The following TENM2 variants were observed in gnomAD, a reference collection of about 807,000 sequenced individuals.
TENM2 encodes teneurin transmembrane protein 2, also known as teneurin-2.
In TENM2, 52 loss-of-function variants were observed where a neutral mutation model predicts 245.2. The ratio of observed to expected loss-of-function variants is 0.21; its 90% CI spans 0.17 to 0.27. The LOEUF is 0.27. Ranked by LOEUF, TENM2 falls within the 10% of genes least tolerant of loss-of-function variation. The pLI is 1.00. For synonymous variants in TENM2, 1,363 were observed against 1,438.9 expected, an observed-to-expected ratio of 0.95 and a Z score of 1.19; for missense variants, 3,046 against 3,666.8, an observed-to-expected ratio of 0.83 and a Z score of 4.37.
intron 25 of TENM2, among the ~76,000 whole-genome samples, chr5:168,236,167 G>A (rs147315962): frequency 2.0e-5 from 3 of 152,200 alleles, no homozygotes; most frequent in East Asian, 3.9e-4. Context: ...TTATCCACCC[G>A]GTACATGCAA....
intron 7 of TENM2, among the ~76,000 whole-genome samples, chr5:168,069,956 A>T (rs1490650777): frequency 2.6e-5 from 4 of 152,160 alleles, no homozygotes; most frequent in African/African-American, 9.7e-5. Flanking sequence ...AGGTGATAAG[A>T]TCGGCACATC....
chr5:167,213,912 G>A, the TENM2 span, among the ~76,000 whole-genome samples: 7 of 152,214 alleles, frequency 4.6e-5, no homozygotes, highest in African/African-American at 1.4e-4. Flanking sequence ...CCACTGCAAA[G>A]CTGATGGCCA....
chr5:167,473,004 T>A (rs1582143668), intron 2 of TENM2, among the ~76,000 whole-genome samples: 2 of 152,086 alleles, frequency 1.3e-5, no homozygotes, highest in South Asian at 4.1e-4. Context: ...ATTGAAAAAC[T>A]AAAAACAAAT....
intron 2 of TENM2, among the ~76,000 whole-genome samples, chr5:167,872,215 G>T (rs1470992504): frequency 1.3e-5 from 2 of 151,476 alleles, no homozygotes; most frequent in Non-Finnish European, 2.9e-5. Context: ...GGAGGTTGCA[G>T]TGAGCCGAGA....
the TENM2 span, among the ~76,000 whole-genome samples, chr5:167,263,949 C>CA: frequency 6.6e-6 from 1 of 151,694 alleles, no homozygotes; most frequent in African/African-American, 2.4e-5. Flanking sequence ...ACTAAAAATA[C>CA]AAAAAATTAG....
chr5:167,634,837 TGAG>T (rs1779094528), intron 2 of TENM2, among the ~76,000 whole-genome samples: 1 of 152,098 alleles, frequency 6.6e-6, no homozygotes, highest in East Asian at 1.9e-4. Context: ...ATCATAGAGA[TGAG>T]TGGAATTGGA....
At chr5:168,023,609 A>G (rs1466870170) in intron 5 of TENM2, among the ~76,000 whole-genome samples, 1 of 152,098 alleles carries the variant, frequency 6.6e-6, no homozygotes, top group Non-Finnish European at 1.5e-5. Context: ...TAAAATCACA[A>G]CACTCCAGTT....
the TENM2 span, among the ~76,000 whole-genome samples, chr5:167,100,614 T>C: frequency 1.3e-5 from 2 of 152,270 alleles, no homozygotes; most frequent in South Asian, 4.1e-4. Context: ...TTTTCCATCT[T>C]TCTTGCCACC....
At chr5:167,090,620 G>A in the TENM2 span, among the ~76,000 whole-genome samples, 40 of 152,258 alleles carry the variant, frequency 2.6e-4, 1 homozygote, top group South Asian at 7.7e-3. Flanking sequence ...ATGCCTTGCT[G>A]TGATTTTTTT....
Position 167,792,646 on chromosome 5 carries a change from A to C in TENM2, c.503-83340A>C, listed in dbSNP as rs891774530. 4.6e-5 allele frequency among the ~76,000 whole-genome samples: 7 copies of C among 151,848 alleles called. No individual in the cohort carries two copies. The East Asian group carries it at 1.2e-3, about 25-fold the overall frequency. The stretch of plus-strand genomic sequence containing the variant: ...ACTTCCTCCAGAGCTAGTGTTTCAC[A>C]CAGTAGAACATAATGGCTCCCTGGG... On this transcript the variant is annotated intron_variant, in intron 2 of 28. Coordinates refer to ENST00000518659, the Ensembl canonical transcript of TENM2.
chr5:167,138,946 T>G, the TENM2 span, among the ~76,000 whole-genome samples: 6,725 of 152,268 alleles, frequency 0.044, 502 homozygotes, highest in African/African-American at 0.15. Flanking sequence ...TTATATGGTT[T>G]CTGGGAAAGA....
At chr5:167,672,374 A>T (rs1250741410) in intron 2 of TENM2, among the ~76,000 whole-genome samples, 1 of 152,116 alleles carries the variant, frequency 6.6e-6, no homozygotes, top group Admixed American at 6.6e-5. Context: ...CTGATTTAAT[A>T]TATAACATTA....
intron 2 of TENM2, among the ~76,000 whole-genome samples, chr5:167,613,758 G>T (rs1442527216): frequency 6.6e-6 from 1 of 152,110 alleles, no homozygotes; most frequent in Non-Finnish European, 1.5e-5. Context: ...CAGGCTTTAT[G>T]TGTGTGTATG....
chr5:167,194,301 T>C, the TENM2 span, among the ~76,000 whole-genome samples: 9 of 152,108 alleles, frequency 5.9e-5, no homozygotes, highest in African/African-American at 1.7e-4. Flanking sequence ...TCAAAAATAA[T>C]GGAAGACGAC....
At chr5:167,585,243 A>G (rs940875692) in intron 2 of TENM2, among the ~76,000 whole-genome samples, 5 of 152,012 alleles carry the variant, frequency 3.3e-5, no homozygotes, top group African/African-American at 1.2e-4. Context: ...GAAGATGTAC[A>G]CTCTTTAGAT....
At chr5:168,063,258 G>A (rs1371827247) in intron 7 of TENM2, among the ~76,000 whole-genome samples, 2 of 152,150 alleles carry the variant, frequency 1.3e-5, no homozygotes, top group African/African-American at 2.4e-5. Context: ...GAAGTCCTTG[G>A]CACTATGAAA....
chr5:167,764,489 G>A (rs934312099), intron 2 of TENM2, among the ~76,000 whole-genome samples: 1 of 152,160 alleles, frequency 6.6e-6, no homozygotes, highest in African/African-American at 2.4e-5. Context: ...TCTCAAGAAG[G>A]AGACCTCTAT....
At chr5:167,229,450 T>G in the TENM2 span, among the ~76,000 whole-genome samples, 1 of 152,160 alleles carries the variant, frequency 6.6e-6, no homozygotes, top group South Asian at 2.1e-4. Context: ...GTGTAGGTGC[T>G]GGAAATAACA....
intron 2 of TENM2, among the ~76,000 whole-genome samples, chr5:167,578,410 G>A (rs1270025088): frequency 1.3e-5 from 2 of 152,206 alleles, no homozygotes; most frequent in South Asian, 2.1e-4. Context: ...GACTGGCTAC[G>A]AGAAACACCT....
Sources: allele counts gnomAD v4.1 joint callset (sites outside exome capture counted in the v4.1 genomes callset), GRCh38; gene constraint gnomAD v4.1.1; transcripts MANE v1.5; gene names NCBI Gene and HGNC (gene_info 2026-07-23, HGNC 2026-07-21).